GOLGA5: variants seen among roughly 807,000 people sequenced by gnomAD.
GOLGA5 encodes the protein golgin subfamily A member 5.
GOLGA5 carries 50 observed loss-of-function variants against 93.5 expected under a neutral mutation model. That is an observed-to-expected ratio of 0.53 (90% CI 0.43 to 0.68). The LOEUF (loss-of-function observed/expected upper bound fraction) is 0.68. Ranked by LOEUF, GOLGA5 falls within the 30% of genes least tolerant of loss-of-function variation. The probability of loss-of-function intolerance (pLI) is 0.00; values close to 1 mark genes in which losing one functional copy is unlikely to be tolerated. For synonymous variants in GOLGA5, 312 were observed against 304.5 expected (o/e 1.02, Z -0.26); for missense variants, 760 against 856.4 (o/e 0.89, Z 1.40).
Position 92,810,248 on chromosome 14 carries a change from C to T in GOLGA5, c.993-6C>T. Reference sequence around the variant, plus strand: ...GAGTTATTTCACATGATGCATTTTCCTTTAGAATAATGCAGGATCAAAGTG... The same window carrying T: ...GAGTTATTTCACATGATGCATTTTCTTTTAGAATAATGCAGGATCAAAGTG... On this transcript the variant is annotated splice_region_variant and splice_polypyrimidine_tract_variant and intron_variant, in intron 4 of 12. Coordinates refer to ENST00000163416, the MANE Select transcript of GOLGA5 (RefSeq NM_005113.4). The T allele has an allele frequency of 6.3e-7, 1 of 1,597,182 alleles. No homozygotes were observed. Among genetic ancestry groups the T allele is most frequent in the Non-Finnish European group, 8.5e-7 (1 of 1,169,834 alleles).
intron 9 of GOLGA5, among the ~76,000 whole-genome samples, chr14:92,827,981 T>G (rs916480990): frequency 6.6e-6 from 1 of 152,078 alleles, no homozygotes; most frequent in Non-Finnish European, 1.5e-5. Context: ...GAGGTTTGGT[T>G]TTGAGGTGTA....
chr14:92,822,739 C>T (rs1294764902), intron 8 of GOLGA5, among the ~76,000 whole-genome samples: 1 of 152,180 alleles, frequency 6.6e-6, no homozygotes, highest in Non-Finnish European at 1.5e-5. Flanking sequence ...TCACTGCAAC[C>T]TCCGCCTCCT....
chr14:92,822,580 T>A (rs1337793252), intron 8 of GOLGA5, among the ~76,000 whole-genome samples: 1 of 152,202 alleles, frequency 6.6e-6, no homozygotes, highest in Non-Finnish European at 1.5e-5. Context: ...TTGTCTATAA[T>A]ATGAATTGCA....
At chr14:92,837,506 TTTTGTTTG>T (rs71123381) in intron 12 of GOLGA5, 57 bp downstream of exon 12, 14 of 619,818 alleles carry the variant, frequency 2.3e-5, no homozygotes, top group South Asian at 2.1e-4. Flanking sequence ...TAGTTTTTTT[TTTTGTTTG>T]TTTGTTTGTT....
intron 10 of GOLGA5, 94 bp downstream of exon 10, chr14:92,833,441 C>A: frequency 1.1e-6 from 1 of 874,680 alleles, no homozygotes; most frequent in Non-Finnish European, 1.8e-6. Flanking sequence ...AAACTTCATC[C>A]AGTGAAGGAC....
rs924349566 is a variant in GOLGA5, at chr14:92,832,995, T to A, written c.1720-127T>A. ...TTTTGAAAATCACTTTTGTAGACAT[T>A]GAGTCAGTATAGAGTTTTGAGAAAT... On this transcript the variant is annotated intron_variant, in intron 9 of 12. Coordinates refer to ENST00000163416, the MANE Select transcript of GOLGA5 (RefSeq NM_005113.4). 6 of 642,492 alleles carry A rather than the reference T, an allele frequency of 9.3e-6. 1 individual carries two copies. The Admixed American group carries it at 1.4e-4, about 14-fold the overall frequency. 39.8% of individuals were successfully genotyped at this position (642,492 alleles called of 1,614,324 possible).
chr14:92,814,464 C>T (rs983460707), intron 6 of GOLGA5, among the ~76,000 whole-genome samples: 5 of 151,790 alleles, frequency 3.3e-5, no homozygotes, highest in Admixed American at 1.3e-4. Context: ...CAGAGAGTTC[C>T]GGGGTGCGCT....
intron 2 of GOLGA5, among the ~76,000 whole-genome samples, chr14:92,805,997 A>AC (rs1272630125): frequency 1.3e-5 from 2 of 151,482 alleles, no homozygotes; most frequent in Admixed American, 6.6e-5. Flanking sequence ...AAAAACAAAA[A>AC]ACCTTGTAGT....
At chr14:92,830,095 G>T (rs151326154) in intron 9 of GOLGA5, among the ~76,000 whole-genome samples, 1 of 152,106 alleles carries the variant, frequency 6.6e-6, no homozygotes, top group Non-Finnish European at 1.5e-5. Context: ...GAGGCAGGTG[G>T]ATCATCTGAG....
chr14:92,833,531 T>G (rs542732057), intron 10 of GOLGA5, among the ~76,000 whole-genome samples, 184 bp downstream of exon 10: 20 of 152,330 alleles, frequency 1.3e-4, no homozygotes, highest in African/African-American at 4.6e-4. Context: ...TTAATATTCC[T>G]CACCAGTATT....
chr14:92,832,356 C>T (rs2140335166), intron 9 of GOLGA5, among the ~76,000 whole-genome samples: 1 of 152,138 alleles, frequency 6.6e-6, no homozygotes, highest in Admixed American at 6.6e-5. Context: ...GCAGGTGGAG[C>T]CTAGATAAGA....
chr14:92,834,856 G>A (rs372838282), intron 10 of GOLGA5, among the ~76,000 whole-genome samples: 18 of 152,310 alleles, frequency 1.2e-4, no homozygotes, highest in East Asian at 3.9e-4. Flanking sequence ...GCCGGAGGTG[G>A]GTGGGTAGCC....
chr14:92,827,911 T>C (rs1566959997), intron 9 of GOLGA5, among the ~76,000 whole-genome samples: 1 of 152,174 alleles, frequency 6.6e-6, no homozygotes, highest in African/African-American at 2.4e-5. Context: ...CTAACTCTCT[T>C]CAATTCTGTG....
chr14:92,798,991 G>A (rs769930670), intron 2 of GOLGA5, among the ~76,000 whole-genome samples: 2 of 152,118 alleles, frequency 1.3e-5, no homozygotes, highest in Non-Finnish European at 2.9e-5. Flanking sequence ...TTTTGAGACA[G>A]GGTCTTGCTC....
chr14:92,797,060 T>A (rs1286157367), intron 1 of GOLGA5, among the ~76,000 whole-genome samples: 1 of 147,978 alleles, frequency 6.8e-6, no homozygotes, highest in Admixed American at 6.8e-5. Context: ...TTTGAAATAG[T>A]AATAATAAAT....
rs145499746 is a variant in GOLGA5, at chr14:92,829,363, T to C, written c.1720-3759T>C. The stretch of plus-strand genomic sequence containing the variant: ...TCAATTGAGAACCTTCTGGAAAAGA[T>C]TCACTATACTAGATGCCATTAAGAA... On this transcript the variant is annotated intron_variant, in intron 9 of 12. Coordinates refer to ENST00000163416, the MANE Select transcript of GOLGA5 (RefSeq NM_005113.4). Among the ~76,000 whole-genome samples, 239 of 152,146 alleles carry C rather than the reference T, an allele frequency of 1.6e-3. 1 individual carries two copies. Among genetic ancestry groups the C allele is most frequent in the Non-Finnish European group, 2.8e-3 (192 of 68,014 alleles).
chr14:92,803,237 A>G (rs1334458401), intron 2 of GOLGA5, among the ~76,000 whole-genome samples: 1 of 152,092 alleles, frequency 6.6e-6, no homozygotes, highest in Non-Finnish European at 1.5e-5. Flanking sequence ...AGGTCTCACT[A>G]TATTGCCAGG....
At chr14:92,813,507 C>A (rs138242962) in intron 6 of GOLGA5, among the ~76,000 whole-genome samples, 490 of 152,274 alleles carry the variant, frequency 3.2e-3, no homozygotes, top group Middle Eastern at 0.014. Context: ...TCCGAGAGAA[C>A]AACCTGTGCC....
intron 8 of GOLGA5, among the ~76,000 whole-genome samples, chr14:92,820,329 C>T (rs951693839): frequency 1.3e-5 from 2 of 152,344 alleles, no homozygotes. Context: ...ATGCTTCTCT[C>T]CACCCAAACA....
Sources: gnomAD v4.1 joint callset for allele counts (sites outside exome capture counted in the v4.1 genomes callset) on GRCh38, gnomAD v4.1.1 for gene constraint, MANE v1.5 for transcripts, NCBI Gene and HGNC (gene_info 2026-07-23, HGNC 2026-07-21) for gene names.